Variants in ROBO1 observed in about 807,000 individuals in gnomAD.
ROBO1 encodes roundabout homolog 1.
A neutral mutation model predicts 195.9 loss-of-function variants in ROBO1; 149 were observed. The observed-to-expected ratio is 0.76, with a 90% CI of 0.67 to 0.87. ROBO1 has a LOEUF of 0.87. ROBO1 is among the 40% of genes least tolerant of loss of function. The pLI, the probability that ROBO1 is intolerant of heterozygous loss-of-function variation, is 0.00. For missense variants in ROBO1, 1,933 were observed against 2,068.3 expected (o/e 0.93, Z 1.27); for synonymous variants, 816 against 733.2 (o/e 1.11, Z -1.82).
intron 1 of ROBO1, among the ~76,000 whole-genome samples, chr3:79,618,151 G>T (rs1187942596): frequency 6.6e-6 from 1 of 151,996 alleles, no homozygotes. Context: ...GAACCTATGA[G>T]ATATATGCAT....
intron 2 of ROBO1, among the ~76,000 whole-genome samples, chr3:79,158,999 C>T (rs1186377177): frequency 6.6e-6 from 1 of 151,830 alleles, no homozygotes; most frequent in Non-Finnish European, 1.5e-5. Flanking sequence ...TAATGCATGA[C>T]TAAAGTGGAA....
intron 3 of ROBO1, among the ~76,000 whole-genome samples, chr3:78,969,615 C>G (rs1280807176): frequency 6.6e-6 from 1 of 152,124 alleles, no homozygotes. Flanking sequence ...TCAGTATCAT[C>G]TGAGTACGCC....
intron 1 of ROBO1, among the ~76,000 whole-genome samples, chr3:79,726,321 C>A (rs1233649029): frequency 1.3e-5 from 2 of 152,168 alleles, no homozygotes; most frequent in Non-Finnish European, 2.9e-5. Context: ...CTATCTAACA[C>A]CAACAAAACC....
intron 3 of ROBO1, among the ~76,000 whole-genome samples, chr3:78,984,775 T>C (rs907975880): frequency 1.3e-5 from 2 of 152,178 alleles, no homozygotes; most frequent in Non-Finnish European, 2.9e-5. Context: ...GTGATGGCAT[T>C]AGCATAAAAG....
At chr3:79,514,527 A>G (rs886247281) in intron 2 of ROBO1, among the ~76,000 whole-genome samples, 10 of 152,116 alleles carry the variant, frequency 6.6e-5, no homozygotes, top group African/African-American at 2.4e-4. Flanking sequence ...TCTGGGGTCC[A>G]ATGCATTTTT....
At chr3:79,306,701 G>C (rs1005361452) in intron 2 of ROBO1, among the ~76,000 whole-genome samples, 5 of 152,208 alleles carry the variant, frequency 3.3e-5, no homozygotes, top group Admixed American at 6.5e-5. Context: ...TGATAAGGTA[G>C]TTTGAAATTC....
At chr3:78,631,340 T>G in intron 24 of ROBO1, 35 bp from the exon 25 acceptor site, 2 of 1,591,048 alleles carry the variant, frequency 1.3e-6, no homozygotes, top group Non-Finnish European at 1.7e-6. Flanking sequence ...CATTGATCTC[T>G]GGCCTTTAAA....
At chr3:79,344,088 C>CA (rs1164123362) in intron 2 of ROBO1, among the ~76,000 whole-genome samples, 19 of 152,092 alleles carry the variant, frequency 1.2e-4, no homozygotes, top group African/African-American at 4.6e-4. Flanking sequence ...TTGAGATTAG[C>CA]AATTCCCAAA....
intron 3 of ROBO1, among the ~76,000 whole-genome samples, chr3:78,989,902 A>G (rs561412480): frequency 5.3e-5 from 8 of 152,220 alleles, no homozygotes; most frequent in Admixed American, 2.0e-4. Flanking sequence ...TTTAAATATA[A>G]ATGTATATAA....
chr3:79,546,943 A>G (rs1318053965), intron 2 of ROBO1, among the ~76,000 whole-genome samples: 1 of 152,144 alleles, frequency 6.6e-6, no homozygotes, highest in Non-Finnish European at 1.5e-5. Context: ...GCACCTTGGG[A>G]GGCCGAGGCG....
intron 3 of ROBO1, among the ~76,000 whole-genome samples, chr3:79,075,580 T>C (rs1389342142): frequency 6.6e-6 from 1 of 151,956 alleles, no homozygotes; most frequent in Admixed American, 6.6e-5. Flanking sequence ...GATTTTATAG[T>C]GGCACCAAGG....
At chr3:79,628,978 C>T (rs1237212861) in intron 1 of ROBO1, among the ~76,000 whole-genome samples, 1 of 151,944 alleles carries the variant, frequency 6.6e-6, no homozygotes, top group African/African-American at 2.4e-5. Flanking sequence ...TACCCAACAC[C>T]AGAGCACACA....
At chr3:79,405,082 C>A (rs1220967810) in intron 2 of ROBO1, among the ~76,000 whole-genome samples, 1 of 152,000 alleles carries the variant, frequency 6.6e-6, no homozygotes, top group African/African-American at 2.4e-5. Flanking sequence ...TACAAATATT[C>A]ATGATATTAT....
In ROBO1 at chr3:78,597,859, C is replaced by T. The variant is rs1480364521; in HGVS notation, c.*1054G>A. The T allele has an allele frequency of 2.0e-5, 3 of 148,262 alleles. No individual in the cohort carries two copies. The highest frequency in any genetic ancestry group is 2.1e-4 in the South Asian group (1 of 4,718). The allele number at this position is 148,262 out of a possible 1,614,324, so 9.2% of individuals were successfully genotyped here. On this transcript the variant is annotated 3_prime_UTR_variant, in exon 31 of 31. Coordinates refer to ENST00000464233, the MANE Select transcript of ROBO1 (RefSeq NM_002941.4). ...GAGCATTAACAAAACAGGTTAAAAA[C>T]GCTTCTCAACATTTTTTTTTTCAAT...
chr3:79,396,727 G>A (rs1344211307), intron 2 of ROBO1, among the ~76,000 whole-genome samples: 2 of 152,066 alleles, frequency 1.3e-5, no homozygotes, highest in Non-Finnish European at 2.9e-5. Flanking sequence ...TGAGTCAAAA[G>A]TTTCTTTAAT....
intron 28 of ROBO1, among the ~76,000 whole-genome samples, chr3:78,610,538 G>A (rs967564675): frequency 3.9e-5 from 6 of 152,026 alleles, no homozygotes; most frequent in East Asian, 1.9e-4. Flanking sequence ...ATTGGATTGC[G>A]AACGCAGATT....
chr3:78,885,787 T>A (rs1440597022), intron 4 of ROBO1, among the ~76,000 whole-genome samples: 1 of 151,296 alleles, frequency 6.6e-6, no homozygotes, highest in Non-Finnish European at 1.5e-5. Flanking sequence ...TCAGCCTGAC[T>A]GTAAATCCTA....
At chr3:79,592,512 C>T (rs1257815977) in intron 1 of ROBO1, among the ~76,000 whole-genome samples, 1 of 151,914 alleles carries the variant, frequency 6.6e-6, no homozygotes, top group African/African-American at 2.4e-5. Flanking sequence ...CTTATCATTT[C>T]AGTACTTTGA....
intron 3 of ROBO1, among the ~76,000 whole-genome samples, chr3:78,939,572 C>A (rs1311841898): frequency 6.7e-6 from 1 of 150,182 alleles, no homozygotes; most frequent in African/African-American, 2.5e-5. Context: ...GAGCCGAGAT[C>A]GCGCCACTGC....
Sources: gnomAD v4.1 joint callset for allele counts (sites outside exome capture counted in the v4.1 genomes callset) on GRCh38, gnomAD v4.1.1 for gene constraint, MANE v1.5 for transcripts, NCBI Gene and HGNC (gene_info 2026-07-23, HGNC 2026-07-21) for gene names.